NSMCE2: variants seen among roughly 807,000 people sequenced by gnomAD.
NSMCE2 encodes NSE2 SUMO ligase component of SMC5/6 complex.
Under a neutral mutation model 23.8 loss-of-function variants are expected in NSMCE2, and 24 were observed. The observed-to-expected ratio is 1.01, with a 90% confidence interval of 0.73 to 1.42. NSMCE2 has a LOEUF of 1.42. NSMCE2 is among the 40% of genes most tolerant of loss of function. NSMCE2 has a pLI of 0.00. For missense variants in NSMCE2, 284 were observed against 296.5 expected (o/e 0.96, Z 0.31); for synonymous variants, 92 against 94.1 (o/e 0.98, Z 0.13).
intron 4 of NSMCE2, among the ~76,000 whole-genome samples, chr8:125,180,200 G>A (rs79173164): frequency 0.022 from 3,287 of 152,202 alleles, 129 homozygotes; most frequent in African/African-American, 0.076. Context: ...GAGATATAAG[G>A]CACTATTATA....
At chr8:125,213,674 T>C (rs937470245) in intron 5 of NSMCE2, among the ~76,000 whole-genome samples, 4 of 150,786 alleles carry the variant, frequency 2.7e-5, no homozygotes, top group Non-Finnish European at 1.5e-5. Context: ...TCTTTCTCTC[T>C]TTCTCTCTCT....
intron 5 of NSMCE2, among the ~76,000 whole-genome samples, chr8:125,228,049 T>C (rs1016696850): frequency 1.3e-5 from 2 of 152,220 alleles, no homozygotes; most frequent in African/African-American, 4.8e-5. Flanking sequence ...TATTGTCAAT[T>C]TTTAAAGTCA....
intron 4 of NSMCE2, among the ~76,000 whole-genome samples, chr8:125,166,525 C>A (rs1821886336): frequency 6.6e-6 from 1 of 152,194 alleles, no homozygotes; most frequent in African/African-American, 2.4e-5. Context: ...CTTTGGCCTC[C>A]CAAAGTGCTG....
chr8:125,140,178 A>T (rs925048465), intron 3 of NSMCE2, among the ~76,000 whole-genome samples: 1 of 152,232 alleles, frequency 6.6e-6, no homozygotes, highest in African/African-American at 2.4e-5. Context: ...TATTAATTTT[A>T]AAAACATTTT....
At chr8:125,261,866 A>G (rs1404750627) in intron 5 of NSMCE2, among the ~76,000 whole-genome samples, 1 of 150,752 alleles carries the variant, frequency 6.6e-6, no homozygotes, top group African/African-American at 2.4e-5. Flanking sequence ...GGAGGCCAGC[A>G]TGGTCAGATC....
At position 125,357,262 on chromosome 8, in the gene NSMCE2, G is replaced by A. The variant is rs746253814; in HGVS notation, c.462G>A (p.Val154=). 5 of 1,613,846 alleles carry A rather than the reference G, an allele frequency of 3.1e-6. No individual in the cohort carries two copies. The Admixed American group carries it at 8.3e-5, about 27-fold the overall frequency. The change falls in exon 6 of 8, where the codon GTG becomes GTA. Residue 154 remains valine (V), a synonymous_variant. Coordinates refer to ENST00000287437, the MANE Select transcript of NSMCE2 (RefSeq NM_173685.4). ...ADREADGTEG[V]DEDIIVTQSQ... ...GAGAAGCTGACGGAACAGAAGGAGT[G>A]GATGAAGATATAATTGTGACCCAAA... is the stretch of plus-strand genomic sequence containing the variant.
chr8:125,322,686 A>G (rs982830860), intron 5 of NSMCE2, among the ~76,000 whole-genome samples: 7 of 152,254 alleles, frequency 4.6e-5, no homozygotes, highest in Non-Finnish European at 1.0e-4. Flanking sequence ...TGCAGATAAC[A>G]TGATCATCTG....
At chr8:125,132,809 G>A (rs1301094262) in intron 3 of NSMCE2, among the ~76,000 whole-genome samples, 1 of 152,092 alleles carries the variant, frequency 6.6e-6, no homozygotes, top group Non-Finnish European at 1.5e-5. Flanking sequence ...TTTTTAAATT[G>A]TTAAAAATGG....
In NSMCE2 at chr8:125,214,435, G is replaced by A. The variant is rs148337980; in HGVS notation, c.418+32179G>A. Among the ~76,000 whole-genome samples, 1,007 of 152,298 alleles carry A rather than the reference G, an allele frequency of 6.6e-3. 8 individuals are homozygous for A. Among genetic ancestry groups the A allele is most frequent in the African/African-American group, 0.023 (973 of 41,554 alleles). ...GAGATCAGAATTGGCAGGCAAGGAG[G>A]CTGAGTCATGGGGGCTCACGGTCTC... On this transcript the variant is annotated intron_variant, in intron 5 of 7. Transcript: ENST00000287437.
At position 125,214,247 on chromosome 8, in the gene NSMCE2, G is replaced by A. The variant is rs73351210; in HGVS notation, c.418+31991G>A. Among the ~76,000 whole-genome samples, 465 of 152,296 alleles carry A rather than the reference G, an allele frequency of 3.1e-3. 4 individuals carry two copies. The highest frequency in any genetic ancestry group is 0.011 in the African/African-American group (449 of 41,562). On this transcript the variant is annotated intron_variant, in intron 5 of 7. Coordinates refer to ENST00000287437, the MANE Select transcript of NSMCE2 (RefSeq NM_173685.4). Reference sequence around the variant, plus strand: ...AATACCAAGGGTCAATAGCAGGCCAGTCGTTGGAAGGCAGAATATACACAA... The same window carrying A: ...AATACCAAGGGTCAATAGCAGGCCAATCGTTGGAAGGCAGAATATACACAA...
intron 5 of NSMCE2, among the ~76,000 whole-genome samples, chr8:125,305,110 C>T (rs1828709436): frequency 6.6e-6 from 1 of 152,114 alleles, no homozygotes; most frequent in African/African-American, 2.4e-5. Flanking sequence ...TTTATGTTTT[C>T]CAGCTTCAGA....
intron 5 of NSMCE2, among the ~76,000 whole-genome samples, chr8:125,206,432 T>C (rs1487880253): frequency 1.3e-5 from 2 of 152,138 alleles, no homozygotes; most frequent in Admixed American, 6.5e-5. Context: ...ATAGGATAAG[T>C]TGGTATGGGA....
At chr8:125,309,723 CA>C (rs201138822) in intron 5 of NSMCE2, among the ~76,000 whole-genome samples, 75 of 144,810 alleles carry the variant, frequency 5.2e-4, no homozygotes, top group African/African-American at 1.3e-3. Context: ...GACCCAGTCT[CA>C]AAAAAAAAAA....
chr8:125,143,098 G>A (rs1290751320), intron 3 of NSMCE2, among the ~76,000 whole-genome samples: 7 of 148,384 alleles, frequency 4.7e-5, no homozygotes, highest in African/African-American at 1.2e-4. Flanking sequence ...GTGGGTGCAC[G>A]CACACACACA....
chr8:125,317,554 A>G (rs1829261124), intron 5 of NSMCE2, among the ~76,000 whole-genome samples: 1 of 151,982 alleles, frequency 6.6e-6, no homozygotes, highest in Admixed American at 6.6e-5. Flanking sequence ...ATTCTTCCCT[A>G]CCAAATTGCA....
chr8:125,249,452 C>T lies in NSMCE2; in HGVS notation c.418+67196C>T, dbSNP rs190419816. Among the ~76,000 whole-genome samples, 204 of 152,166 alleles carry T rather than the reference C, an allele frequency of 1.3e-3. 1 individual carries two copies. Among genetic ancestry groups the T allele is most frequent in the African/African-American group, 4.6e-3 (191 of 41,512 alleles). On this transcript the variant is annotated intron_variant, in intron 5 of 7. Transcript: ENST00000287437. Reference sequence around the variant, plus strand: ...CAGAAAGATGTTCATGGGGAGTGTTCGGGACTCAAGTTTCATTCAGCTGAC... The same window carrying T: ...CAGAAAGATGTTCATGGGGAGTGTTTGGGACTCAAGTTTCATTCAGCTGAC...
At chr8:125,094,483 T>C (rs1817834683) in intron 1 of NSMCE2, 1 of 152,190 alleles carries the variant, frequency 6.6e-6, no homozygotes, top group South Asian at 2.1e-4. Flanking sequence ...CAGAAGAGCA[T>C]GATCGTGTTT....
intron 5 of NSMCE2, among the ~76,000 whole-genome samples, chr8:125,352,850 A>G (rs1396471651): frequency 1.3e-5 from 2 of 152,196 alleles, no homozygotes; most frequent in Admixed American, 6.5e-5. Context: ...GCTAATGTCA[A>G]TTTCTATAAA....
chr8:125,282,885 C>T (rs375340482), intron 5 of NSMCE2, among the ~76,000 whole-genome samples: 1 of 152,186 alleles, frequency 6.6e-6, no homozygotes, highest in Non-Finnish European at 1.5e-5. Context: ...ATATTTTTAC[C>T]GAAATTATGG....
Sources: gnomAD v4.1 joint callset for allele counts (sites outside exome capture counted in the v4.1 genomes callset) on GRCh38, gnomAD v4.1.1 for gene constraint, MANE v1.5 for transcripts, NCBI Gene and HGNC (gene_info 2026-07-23, HGNC 2026-07-21) for gene names.